The following TYR variants were observed in gnomAD, a reference collection of about 807,000 sequenced individuals.
TYR encodes tyrosinase, also known as LB24-AB.
TYR carries 58 observed loss-of-function variants against 51.5 expected under a neutral mutation model. The observed-to-expected ratio is 1.13, with a 90% CI of 0.91 to 1.40. The LOEUF is 1.40. Ranked by LOEUF, TYR falls within the 40% of genes most tolerant of loss-of-function variation. The pLI, the probability that TYR is intolerant of heterozygous loss-of-function variation, is 0.00. For missense variants in TYR, 732 were observed against 647.4 expected, an observed-to-expected ratio of 1.13 and a Z score of -1.42; for synonymous variants, 263 against 235.2, an observed-to-expected ratio of 1.12 and a Z score of -1.08.
At chr11:89,238,820 C>T (rs1001301403) in intron 3 of TYR, among the ~76,000 whole-genome samples, 2 of 152,016 alleles carry the variant, frequency 1.3e-5, no homozygotes, top group Admixed American at 1.3e-4. Flanking sequence ...TTGTTGAATA[C>T]TTTTTTCTAT....
intron 3 of TYR, among the ~76,000 whole-genome samples, chr11:89,281,607 C>A (rs1258186684): frequency 6.6e-6 from 1 of 151,778 alleles, no homozygotes; most frequent in African/African-American, 2.4e-5. Context: ...CTATGTACCT[C>A]TGGATGAACC....
chr11:89,208,689 C>T (rs1379624418), intron 2 of TYR, among the ~76,000 whole-genome samples: 1 of 152,140 alleles, frequency 6.6e-6, no homozygotes, highest in Non-Finnish European at 1.5e-5. Flanking sequence ...AAATATGCAT[C>T]ATAATTTTAA....
At chr11:89,213,197 C>T (rs1039712756) in intron 2 of TYR, among the ~76,000 whole-genome samples, 1 of 152,196 alleles carries the variant, frequency 6.6e-6, no homozygotes, top group Admixed American at 6.5e-5. Flanking sequence ...CCCATTGTCT[C>T]AGCCCAAAAT....
chr11:89,192,590 T>A (rs1347468910), intron 2 of TYR, among the ~76,000 whole-genome samples: 6 of 152,154 alleles, frequency 3.9e-5, no homozygotes, highest in Non-Finnish European at 8.8e-5. Flanking sequence ...TTTCCCTGTT[T>A]TATTCAAAAC....
At chr11:89,240,928 T>C (rs1164888304) in intron 3 of TYR, among the ~76,000 whole-genome samples, 1 of 152,178 alleles carries the variant, frequency 6.6e-6, no homozygotes, top group Non-Finnish European at 1.5e-5. Context: ...CTCAGGTTTG[T>C]AAAAACAAAC....
intron 4 of TYR, among the ~76,000 whole-genome samples, chr11:89,285,967 G>T (rs959359011): frequency 6.6e-6 from 1 of 151,702 alleles, no homozygotes; most frequent in Non-Finnish European, 1.5e-5. Flanking sequence ...TAAAATAAAC[G>T]AATGAAACTC....
At chr11:89,289,505 G>C (rs501301) in intron 4 of TYR, among the ~76,000 whole-genome samples, 92,384 of 151,452 alleles carry the variant, frequency 0.61, 30,693 homozygotes, top group African/African-American at 0.9. Context: ...TCTCCATGAT[G>C]CCTTTCTATC....
At chr11:89,196,247 A>G (rs1358163421) in intron 2 of TYR, among the ~76,000 whole-genome samples, 1 of 152,208 alleles carries the variant, frequency 6.6e-6, no homozygotes, top group Non-Finnish European at 1.5e-5. Flanking sequence ...AGTCCTGAGA[A>G]AATATATTAT....
At chr11:89,214,884 G>A (rs1943812661) in intron 2 of TYR, among the ~76,000 whole-genome samples, 1 of 152,148 alleles carries the variant, frequency 6.6e-6, no homozygotes, top group Admixed American at 6.6e-5. Context: ...TCCCAAAGCT[G>A]CTACATCTAG....
At chr11:89,186,368 T>C (rs372369873) in intron 1 of TYR, among the ~76,000 whole-genome samples, 23 of 152,300 alleles carry the variant, frequency 1.5e-4, no homozygotes, top group African/African-American at 5.1e-4. Flanking sequence ...AGTGAAGTTA[T>C]AGGGACAATG....
At chr11:89,282,206 A>C (rs917106117) in intron 3 of TYR, among the ~76,000 whole-genome samples, 3 of 151,906 alleles carry the variant, frequency 2.0e-5, no homozygotes, top group South Asian at 4.2e-4. Context: ...ATTATTTATA[A>C]ATTGAACTAT....
At chr11:89,285,247 G>A (rs570935688) in intron 4 of TYR, among the ~76,000 whole-genome samples, 10 of 151,838 alleles carry the variant, frequency 6.6e-5, no homozygotes, top group African/African-American at 2.2e-4. Flanking sequence ...TCTATCAACT[G>A]ACTGTAAGGT....
intron 3 of TYR, among the ~76,000 whole-genome samples, chr11:89,261,189 G>C (rs976377079): frequency 6.6e-6 from 1 of 152,092 alleles, no homozygotes; most frequent in African/African-American, 2.4e-5. Context: ...AACATGTATA[G>C]AAAACAAATA....
chr11:89,212,152 C>A (rs569637949), intron 2 of TYR, among the ~76,000 whole-genome samples: 1 of 152,108 alleles, frequency 6.6e-6, no homozygotes, highest in East Asian at 1.9e-4. Flanking sequence ...AATGAATCCA[C>A]GAGCTGTTTT....
intron 3 of TYR, among the ~76,000 whole-genome samples, chr11:89,249,059 A>G (rs558151778): frequency 1.3e-5 from 2 of 152,258 alleles, no homozygotes; most frequent in Non-Finnish European, 1.5e-5. Context: ...AAGAAAATGA[A>G]CTAAAGTTCT....
At chr11:89,284,463 G>T (rs1944757180) in intron 3 of TYR, among the ~76,000 whole-genome samples, 1 of 151,622 alleles carries the variant, frequency 6.6e-6, no homozygotes, top group Non-Finnish European at 1.5e-5. Context: ...TGACTCAATT[G>T]TCACTCAACC....
chr11:89,277,226 T>C lies in TYR; in HGVS notation c.1185-7547T>C, dbSNP rs187555947. Reference sequence around the variant, plus strand: ...CAAGTAACTGCTTCAAAACAAGTACTACATGAAAAAAATAAATAATAATAA... The same window carrying C: ...CAAGTAACTGCTTCAAAACAAGTACCACATGAAAAAAATAAATAATAATAA... On this transcript the variant is annotated intron_variant, in intron 3 of 4. Coordinates refer to ENST00000263321, the MANE Select transcript of TYR (RefSeq NM_000372.5). Among the ~76,000 whole-genome samples, 4 of 151,776 alleles carry C rather than the reference T, an allele frequency of 2.6e-5. No homozygotes were observed. In the East Asian group the frequency reaches 7.8e-4, roughly 30 times the overall value.
intron 3 of TYR, among the ~76,000 whole-genome samples, chr11:89,230,604 T>C (rs1944034204): frequency 6.6e-6 from 1 of 151,942 alleles, no homozygotes; most frequent in Non-Finnish European, 1.5e-5. Context: ...ACTTACACAA[T>C]AGGAGAATAT....
At chr11:89,198,756 T>C (rs913718745) in intron 2 of TYR, among the ~76,000 whole-genome samples, 1 of 149,898 alleles carries the variant, frequency 6.7e-6, no homozygotes, top group Non-Finnish European at 1.5e-5. Context: ...TTTTTTCTCA[T>C]ATATATATAT....
Sources: allele counts gnomAD v4.1 joint callset (sites outside exome capture counted in the v4.1 genomes callset), GRCh38; gene constraint gnomAD v4.1.1; transcripts MANE v1.5; gene names NCBI Gene and HGNC (gene_info 2026-07-23, HGNC 2026-07-21).